The following DLGAP3 variants were observed in gnomAD, a reference collection of about 807,000 sequenced individuals.
The protein encoded by DLGAP3 is disks large-associated protein 3.
DLGAP3 carries 17 observed loss-of-function variants against 81.2 expected under a neutral mutation model. The ratio of observed to expected loss-of-function variants is 0.21; its 90% CI spans 0.14 to 0.31. The LOEUF is 0.31. Among genes scored for constraint, DLGAP3 ranks in the 10% least tolerant of loss-of-function variants. The pLI is 1.00. For missense variants in DLGAP3, 1,124 were observed against 1,388.0 expected, an observed-to-expected ratio of 0.81 and a Z score of 3.02; for synonymous variants, 577 against 587.4, an observed-to-expected ratio of 0.98 and a Z score of 0.26.
At chr1:34,890,019 C>A (rs1369921166) in intron 5 of DLGAP3, among the ~76,000 whole-genome samples, 1 of 152,028 alleles carries the variant, frequency 6.6e-6, no homozygotes, top group Non-Finnish European at 1.5e-5. Context: ...AAAAGTGAAA[C>A]CTTTGATGAA....
Position 34,865,597 on chromosome 1 carries a change from G to A in DLGAP3, c.*486C>T, listed in dbSNP as rs1246339135. ...TTGGTCCAGCCACTGTGGTCCCTGG[G>A]CCCAGTGGGCAGAGGGCTGAGGATG... On this transcript the variant is annotated 3_prime_UTR_variant, in exon 12 of 12. Coordinates refer to ENST00000373347, the MANE Select transcript of DLGAP3 (RefSeq NM_001080418.3). 4.4e-6 allele frequency: 1 copy of A among 227,156 alleles called. No individual in the cohort carries two copies. Among genetic ancestry groups the A allele is most frequent in the Non-Finnish European group, 8.8e-6 (1 of 113,126 alleles). 14.1% of individuals were successfully genotyped at this position (227,156 alleles called of 1,614,324 possible).
intron 1 of DLGAP3, among the ~76,000 whole-genome samples, chr1:34,924,412 G>C (rs2148422021): frequency 6.6e-6 from 1 of 152,150 alleles, no homozygotes; most frequent in East Asian, 1.9e-4. Flanking sequence ...ATGCTGCTCT[G>C]AGCTAGGTTT....
intron 8 of DLGAP3, among the ~76,000 whole-genome samples, chr1:34,882,525 C>T (rs955626062): frequency 6.6e-6 from 1 of 152,112 alleles, no homozygotes; most frequent in Non-Finnish European, 1.5e-5. Flanking sequence ...AACAGTGCTA[C>T]CACACACTAG....
chr1:34,905,392 CA>C lies in DLGAP3; in HGVS notation c.-10del. 1 of 1,550,312 alleles carries C rather than the reference CA, an allele frequency of 6.5e-7. No homozygotes were observed. Among genetic ancestry groups the C allele is most frequent in the Non-Finnish European group, 8.7e-7 (1 of 1,147,160 alleles). ...CCATGGTAACCCCTCATGGCCTCAG[CA>C]AAGGCTCTTCATAGTCTTGGGGGCC... On this transcript the variant is annotated 5_prime_UTR_variant, in exon 3 of 12. It introduces an in-frame stop codon into an upstream open reading frame of the 5' UTR. Coordinates refer to ENST00000373347, the MANE Select transcript of DLGAP3 (RefSeq NM_001080418.3).
chr1:34,898,373 G>A (rs1268980016), intron 5 of DLGAP3, among the ~76,000 whole-genome samples: 1 of 152,232 alleles, frequency 6.6e-6, no homozygotes, highest in African/African-American at 2.4e-5. Flanking sequence ...AGTCTTTCAG[G>A]AAGGAAGGAG....
rs768587421 is a variant in DLGAP3 at position 34,902,354 on chromosome 1, C to T, written c.1107+1923G>A. Among the ~76,000 whole-genome samples the T allele has an allele frequency of 2.6e-5, 4 of 151,972 alleles. No homozygotes were observed. Among genetic ancestry groups the T allele is most frequent in the Non-Finnish European group, 5.9e-5 (4 of 67,978 alleles). On this transcript the variant is annotated intron_variant, in intron 3 of 11. Coordinates refer to ENST00000373347, the MANE Select transcript of DLGAP3 (RefSeq NM_001080418.3). The surrounding 1 kb of genome is among the most constrained non-coding windows in gnomAD (Gnocchi z 4.4). ...AGCAGGGCTCTTCAAGGGGCTAGGGCTCATTTGGATGATGGGAAACAAAGA... is the reference window on the plus strand; with the variant it reads ...AGCAGGGCTCTTCAAGGGGCTAGGGTTCATTTGGATGATGGGAAACAAAGA...
At chr1:34,887,024 G>C (rs1039023981) in intron 5 of DLGAP3, among the ~76,000 whole-genome samples, 1 of 136,998 alleles carries the variant, frequency 7.3e-6, no homozygotes, top group Non-Finnish European at 1.5e-5. Flanking sequence ...GCGCGATCTC[G>C]GCTCACTGCA....
intron 7 of DLGAP3, 52 bp downstream of exon 7, chr1:34,885,426 A>T: frequency 6.3e-7 from 1 of 1,586,176 alleles, no homozygotes; most frequent in Non-Finnish European, 8.6e-7. Flanking sequence ...CCCTCACCCC[A>T]GCCCCGACCG....
At chr1:34,926,409 C>A (rs578067126) in intron 1 of DLGAP3, among the ~76,000 whole-genome samples, 5 of 152,178 alleles carry the variant, frequency 3.3e-5, no homozygotes, top group African/African-American at 9.7e-5. Context: ...ACTCCCCAGA[C>A]GGCAGGAGGC....
In DLGAP3 at chr1:34,904,230, C is replaced by T. The variant is rs374489787; in HGVS notation, c.1107+47G>A. On this transcript the variant is annotated intron_variant, in intron 3 of 11. Coordinates refer to ENST00000373347, the MANE Select transcript of DLGAP3 (RefSeq NM_001080418.3). This position sits in a 1 kb window ranked among gnomAD's most constrained non-coding sequence, Gnocchi z 8.1. Reference sequence around the variant, plus strand: ...TTCCACTGCTCCCTAGTTGACAAGACTGGTGAAGGCTAAGGACTCTGTTCC... The same window carrying T: ...TTCCACTGCTCCCTAGTTGACAAGATTGGTGAAGGCTAAGGACTCTGTTCC... 1.5e-5 allele frequency: 24 copies of T among 1,597,422 alleles called. No individual in the cohort carries two copies. The African/African-American group carries it at 2.0e-4, about 13-fold the overall frequency.
Position 34,868,530 on chromosome 1 carries a change from A to T in DLGAP3, c.2485+75T>A, listed in dbSNP as rs1017619183. 1 of 1,305,458 alleles carries T rather than the reference A, an allele frequency of 7.7e-7. No individual in the cohort carries two copies. The highest frequency in any genetic ancestry group is 1.7e-5 in the Admixed American group (1 of 59,336). The allele number at this position is 1,305,458 out of a possible 1,614,324, so 80.9% of individuals were successfully genotyped here. ...CTCCTGTTACACTGCAGCCCCAGCC[A>T]CCCCCATCAGGGTCTCCTGAGCACA... On this transcript the variant is annotated intron_variant, in intron 9 of 11. Transcript: ENST00000373347. The surrounding 1 kb of genome is among the most constrained non-coding windows in gnomAD (Gnocchi z 7.5).
At chr1:34,918,198 G>A (rs1218009795) in intron 1 of DLGAP3, among the ~76,000 whole-genome samples, 1 of 152,214 alleles carries the variant, frequency 6.6e-6, no homozygotes, top group African/African-American at 2.4e-5. Context: ...TGGAAATGAA[G>A]CAGCTTGGGA....
intron 8 of DLGAP3, among the ~76,000 whole-genome samples, chr1:34,877,513 G>C (rs1639076177): frequency 6.6e-6 from 1 of 152,202 alleles, no homozygotes; most frequent in South Asian, 2.1e-4. Context: ...AAAAACAATA[G>C]TGAACACACA....
At chr1:34,889,944 T>TTTGGGCCC (rs1156898485) in intron 5 of DLGAP3, among the ~76,000 whole-genome samples, 1 of 152,064 alleles carries the variant, frequency 6.6e-6, no homozygotes, top group African/African-American at 2.4e-5. Flanking sequence ...CACTTGGGCA[T>TTTGGGCCC]AGGAGGAAGG....
intron 5 of DLGAP3, among the ~76,000 whole-genome samples, chr1:34,893,626 T>C (rs1403287432): frequency 6.6e-6 from 1 of 152,210 alleles, no homozygotes; most frequent in Non-Finnish European, 1.5e-5. Context: ...AGGTAATATA[T>C]GACAGTAATA....
Position 34,867,654 on chromosome 1 carries a change from G to C in DLGAP3, c.2486-27C>G, listed in dbSNP as rs57077677. On this transcript the variant is annotated intron_variant, in intron 9 of 11. Transcript: ENST00000373347. This position sits in a 1 kb window ranked among gnomAD's most constrained non-coding sequence, Gnocchi z 4.3. ...TAGAAAGCAGAAGGAAATTCAGGGA[G>C]GGAAATGATGCATCTCCTTCCCCAG... is the stretch of plus-strand genomic sequence containing the variant. The C allele has an allele frequency of 5.0e-3, 7,833 of 1,553,018 alleles. 335 individuals are homozygous for C. The African/African-American group carries it at 0.092, about 18-fold the overall frequency.
At chr1:34,914,852 T>C (rs1639692487) in intron 1 of DLGAP3, among the ~76,000 whole-genome samples, 1 of 152,174 alleles carries the variant, frequency 6.6e-6, no homozygotes, top group Non-Finnish European at 1.5e-5. Context: ...GTCTGAAAAC[T>C]CATCTTTTTC....
At position 34,895,517 on chromosome 1, in the gene DLGAP3, A is replaced by G. The variant is rs1003163269; in HGVS notation, c.1386+4152T>C. 6.6e-6 allele frequency among the ~76,000 whole-genome samples: 1 copy of G among 152,176 alleles called. No homozygotes were observed. The highest frequency in any genetic ancestry group is 1.5e-5 in the Non-Finnish European group (1 of 68,030). ...AATACAATACTCCATAAATTAATCT[A>G]CACATTCAGAGCAATCCCTTCAAAT... On this transcript the variant is annotated intron_variant, in intron 5 of 11. Transcript: ENST00000373347. This position sits in a 1 kb window ranked among gnomAD's most constrained non-coding sequence, Gnocchi z 4.5.
chr1:34,866,787 C>CG (rs1391286408), intron 11 of DLGAP3, among the ~76,000 whole-genome samples: 10 of 151,398 alleles, frequency 6.6e-5, no homozygotes, highest in Non-Finnish European at 5.9e-5. Flanking sequence ...CGCCGCCACC[C>CG]CCCCAACCCC....
Sources: gnomAD v4.1 joint callset for allele counts (sites outside exome capture counted in the v4.1 genomes callset) on GRCh38, gnomAD v4.1.1 for gene constraint, Gnocchi (gnomAD v3.1) non-coding constraint, MANE v1.5 for transcripts, NCBI Gene and HGNC (gene_info 2026-07-23, HGNC 2026-07-21) for gene names.